NAV3: variants seen among roughly 807,000 people sequenced by gnomAD.
NAV3 encodes pore membrane and/or filament interacting like protein 1.
NAV3 carries 87 observed loss-of-function variants against 244.7 expected under a neutral mutation model. The ratio of observed to expected loss-of-function variants is 0.36; its 90% CI spans 0.30 to 0.42. NAV3 has a LOEUF of 0.42. Ranked by LOEUF, NAV3 falls within the 20% of genes least tolerant of loss-of-function variation. The pLI is 1.00. For missense variants in NAV3, 2,663 were observed against 2,893.3 expected (o/e 0.92, Z 1.83); for synonymous variants, 1,126 against 1,042.2 (o/e 1.08, Z -1.55).
intron 5 of NAV3, 30 bp from the exon 6 acceptor site, chr12:77,994,773 A>T (rs1246599199): frequency 6.4e-7 from 1 of 1,561,284 alleles, no homozygotes; most frequent in Non-Finnish European, 8.7e-7. Context: ...GAATCTCTTT[A>T]ATTCAATTTC....
rs115519905 is a variant in NAV3, at chr12:77,782,504, C to T, written c.73-157815C>T. ...TAAAAACTTGCTTCATGAATTAATG[C>T]TTAACTTCATGAATTTGACCAGTTA... On this transcript the variant is annotated intron_variant, in intron 2 of 8. Coordinates refer to the NAV3 transcript ENST00000550042. 5.9e-3 allele frequency among the ~76,000 whole-genome samples: 892 copies of T among 152,050 alleles called. 6 individuals carry two copies. The highest frequency in any genetic ancestry group is 0.021 in the African/African-American group (860 of 41,382).
At chr12:77,576,757 T>TA (rs1050640596) in intron 2 of NAV3, among the ~76,000 whole-genome samples, 2 of 152,060 alleles carry the variant, frequency 1.3e-5, no homozygotes, top group African/African-American at 4.8e-5. Flanking sequence ...CATAAATCAA[T>TA]AAAAAAAGAA....
At chr12:77,722,266 C>T (rs1465770428) in intron 2 of NAV3, among the ~76,000 whole-genome samples, 1 of 152,008 alleles carries the variant, frequency 6.6e-6, no homozygotes, top group Non-Finnish European at 1.5e-5. Context: ...GACTAACATA[C>T]TTTATTTGAT....
chr12:77,601,977 A>G (rs1189506431), intron 2 of NAV3, among the ~76,000 whole-genome samples: 1 of 152,028 alleles, frequency 6.6e-6, no homozygotes, highest in East Asian at 1.9e-4. Context: ...CCAAAGATCC[A>G]ATTTAACTGT....
chr12:77,831,195 CAGAGAGAGAG>C lies in NAV3; in HGVS notation c.-253_-244del, dbSNP rs71088342. 3.6e-3 allele frequency: 516 copies of C among 144,294 alleles called. 1 individual carries two copies. Among genetic ancestry groups the C allele is most frequent in the South Asian group, 8.2e-3 (50 of 6,102 alleles). 8.9% of individuals were successfully genotyped at this position (144,294 alleles called of 1,614,324 possible). On this transcript the variant is annotated 5_prime_UTR_variant, in exon 1 of 40. Coordinates refer to ENST00000397909, the MANE Select transcript of NAV3 (RefSeq NM_001024383.2). Reference sequence around the variant, plus strand: ...AGAGAGAGAGAGAGAGAGAGAGAGACAGAGAGAGAGAGAGAGAGAGAGAAAGAGAGAGAGA... The same window carrying C: ...AGAGAGAGAGAGAGAGAGAGAGAGACAGAGAGAGAGAGAAAGAGAGAGAGA...
At chr12:77,897,301 C>A (rs548719313) in intron 1 of NAV3, among the ~76,000 whole-genome samples, 2 of 152,294 alleles carry the variant, frequency 1.3e-5, no homozygotes, top group South Asian at 4.1e-4. Context: ...GGAAGTAAAT[C>A]TTTGGTACCT....
intron 2 of NAV3, among the ~76,000 whole-genome samples, chr12:77,621,325 C>T (rs1042346935): frequency 4.6e-5 from 7 of 152,140 alleles, no homozygotes; most frequent in Non-Finnish European, 8.8e-5. Flanking sequence ...GCCCTCCTAC[C>T]CATCAAAGTT....
intron 9 of NAV3, among the ~76,000 whole-genome samples, chr12:78,046,023 A>G (rs1881731525): frequency 6.6e-6 from 1 of 152,086 alleles, no homozygotes; most frequent in African/African-American, 2.4e-5. Context: ...TTTGCATAGT[A>G]GTGTTTATAG....
chr12:77,963,849 TTCCCTCCC>T (rs1369085893), intron 3 of NAV3, among the ~76,000 whole-genome samples: 1 of 136,232 alleles, frequency 7.3e-6, no homozygotes, highest in Non-Finnish European at 1.6e-5. Flanking sequence ...CCTTCCTTCC[TTCCCTCCC>T]TCCCTCCCTC....
At chr12:78,133,699 G>A (rs1035073818) in intron 18 of NAV3, among the ~76,000 whole-genome samples, 1 of 152,114 alleles carries the variant, frequency 6.6e-6, no homozygotes, top group African/African-American at 2.4e-5. Flanking sequence ...TATGGTTCGT[G>A]TGTCGTTCCC....
At chr12:78,008,429 C>A (rs1874628849) in intron 8 of NAV3, among the ~76,000 whole-genome samples, 1 of 151,852 alleles carries the variant, frequency 6.6e-6, no homozygotes. Flanking sequence ...CTGCTGTGTC[C>A]CCAGTTTATT....
chr12:78,040,453 T>C (rs1329258910), intron 9 of NAV3, among the ~76,000 whole-genome samples: 2 of 151,982 alleles, frequency 1.3e-5, no homozygotes, highest in East Asian at 1.9e-4. Context: ...ACCTGTTGGA[T>C]TGGAAAAAAG....
At chr12:77,610,731 G>A (rs1021978745) in intron 2 of NAV3, among the ~76,000 whole-genome samples, 33 of 152,038 alleles carry the variant, frequency 2.2e-4, no homozygotes, top group African/African-American at 7.5e-4. Context: ...CCACAGCACT[G>A]AAAGAAGCAA....
At chr12:77,998,913 T>TA (rs1264366838) in intron 7 of NAV3, among the ~76,000 whole-genome samples, 63 of 152,322 alleles carry the variant, frequency 4.1e-4, no homozygotes, top group African/African-American at 1.5e-3. Context: ...AGTAGGTTTT[T>TA]ATCTTTGCAA....
chr12:78,010,416 G>C (rs1268228926), intron 8 of NAV3, among the ~76,000 whole-genome samples: 1 of 152,110 alleles, frequency 6.6e-6, no homozygotes, highest in East Asian at 1.9e-4. Flanking sequence ...TGCTTACTTA[G>C]TGAAAATCTT....
At chr12:77,923,505 A>C (rs1199565545) in intron 1 of NAV3, among the ~76,000 whole-genome samples, 1 of 152,134 alleles carries the variant, frequency 6.6e-6, no homozygotes, top group Non-Finnish European at 1.5e-5. Context: ...AGTTTTCTTG[A>C]ACAGCCCACC....
intron 12 of NAV3, among the ~76,000 whole-genome samples, chr12:78,098,011 A>G (rs1049102295): frequency 3.9e-5 from 6 of 152,132 alleles, no homozygotes; most frequent in Non-Finnish European, 8.8e-5. Flanking sequence ...GCCTATAACT[A>G]AATTCTCAGA....
chr12:77,749,156 A>C (rs938248470), intron 2 of NAV3, among the ~76,000 whole-genome samples: 5 of 152,214 alleles, frequency 3.3e-5, no homozygotes, highest in Admixed American at 3.3e-4. Context: ...ACTACTGGAA[A>C]GATGTGTTAT....
chr12:77,728,796 CT>C (rs1876996325), intron 2 of NAV3, among the ~76,000 whole-genome samples: 1 of 151,722 alleles, frequency 6.6e-6, no homozygotes, highest in African/African-American at 2.4e-5. Flanking sequence ...ATACCTAGAT[CT>C]TTTTCAACAA....
Sources: gnomAD v4.1 joint callset for allele counts (sites outside exome capture counted in the v4.1 genomes callset) on GRCh38, gnomAD v4.1.1 for gene constraint, MANE v1.5 for transcripts, NCBI Gene and HGNC (gene_info 2026-07-23, HGNC 2026-07-21) for gene names.